Variants in FAM200B observed in about 807,000 individuals in gnomAD.
FAM200B encodes the protein protein FAM200B.
FAM200B carries 32 observed loss-of-function variants against 33.1 expected under a neutral mutation model. The observed-to-expected ratio is 0.97, with a 90% CI of 0.73 to 1.30. The LOEUF is 1.30. Ranked by LOEUF, FAM200B falls within the 50% of genes most tolerant of loss-of-function variation. FAM200B has a pLI of 0.00. For missense variants in FAM200B, 741 were observed against 754.0 expected (o/e 0.98, Z 0.20); for synonymous variants, 240 against 264.8 (o/e 0.91, Z 0.91).
At chr4:15,657,954 A>G in the FAM200B span, among the ~76,000 whole-genome samples, 4 of 152,372 alleles carry the variant, frequency 2.6e-5, no homozygotes, top group Admixed American at 2.6e-4. Flanking sequence ...AAGTCTGAAT[A>G]AGGCATGTGA....
chr4:15,665,494 T>G, the FAM200B span, among the ~76,000 whole-genome samples: 1 of 152,146 alleles, frequency 6.6e-6, no homozygotes, highest in South Asian at 2.1e-4. Flanking sequence ...GGGACTACCT[T>G]ACAAATTTGC....
At chr4:15,658,824 T>C in the FAM200B span, among the ~76,000 whole-genome samples, 2 of 152,236 alleles carry the variant, frequency 1.3e-5, no homozygotes, top group African/African-American at 4.8e-5. Context: ...CTGGTAGAAG[T>C]GGCCCTTAAG....
the FAM200B span, chr4:15,638,754 C>A: frequency 9.2e-7 from 1 of 1,088,162 alleles, no homozygotes. Flanking sequence ...TTACTCTAAA[C>A]CCTTTTAAAT....
At chr4:15,655,459 G>A in the FAM200B span, 3 of 903,062 alleles carry the variant, frequency 3.3e-6, no homozygotes, top group Non-Finnish European at 4.0e-6. Context: ...GCCGCCATGC[G>A]ATCCCTGCGG....
chr4:15,642,289 G>A, the FAM200B span, among the ~76,000 whole-genome samples: 2 of 150,832 alleles, frequency 1.3e-5, no homozygotes, highest in Non-Finnish European at 2.9e-5. Flanking sequence ...TGCCCAGGCT[G>A]GAATGCAGTG....
In FAM200B at chr4:15,688,912, C is replaced by G. The variant is rs559945354; in HGVS notation, c.1935C>G (p.Asp645Glu). 1 of 1,534,610 alleles carries G rather than the reference C, an allele frequency of 6.5e-7. No homozygotes were observed. Among genetic ancestry groups the G allele is most frequent in the Admixed American group, 2.0e-5 (1 of 48,990 alleles). ...MRVALSSCVP[D>E]WNELMNRQAH... Reference sequence around the variant, plus strand: ...TAGCATTATCTTCCTGTGTTCCAGACTGGAATGAACTTATGAACAGGCAAG... The same window carrying G: ...TAGCATTATCTTCCTGTGTTCCAGAGTGGAATGAACTTATGAACAGGCAAG... Residue 645 changes from aspartate to glutamate, a missense_variant, in exon 2 of 2, where the codon GAC becomes GAG. Transcript: ENST00000422728.
chr4:15,689,541 T>A lies in FAM200B; in HGVS notation c.*590T>A, dbSNP rs902453479. The A allele has an allele frequency of 8.4e-5, 14 of 166,894 alleles. No individual in the cohort carries two copies. The highest frequency in any genetic ancestry group is 3.9e-4 in the Admixed American group (6 of 15,288). 10.3% of individuals were successfully genotyped at this position (166,894 alleles called of 1,614,324 possible). The stretch of plus-strand genomic sequence containing the variant: ...GTAATCCCCGCACTTTGGCAGGCCA[T>A]GGCAGAAGGCTCTGTTGAGCCCAGG... On this transcript the variant is annotated 3_prime_UTR_variant, in exon 2 of 2. Transcript: ENST00000422728.
At chr4:15,675,706 C>T in the FAM200B span, among the ~76,000 whole-genome samples, 1 of 151,212 alleles carries the variant, frequency 6.6e-6, no homozygotes, top group African/African-American at 2.4e-5. Context: ...CTCAGCCTCC[C>T]AAGTAGCTGG....
At chr4:15,661,319 G>A in the FAM200B span, among the ~76,000 whole-genome samples, 1 of 152,190 alleles carries the variant, frequency 6.6e-6, no homozygotes, top group East Asian at 1.9e-4. Context: ...GGGTTGGAGT[G>A]TGGAACCAGT....
At chr4:15,648,652 G>A in the FAM200B span, among the ~76,000 whole-genome samples, 10 of 152,138 alleles carry the variant, frequency 6.6e-5, no homozygotes, top group Non-Finnish European at 1.5e-4. Context: ...CACTATATAT[G>A]GAATCTAAAG....
chr4:15,660,482 A>G, the FAM200B span, among the ~76,000 whole-genome samples: 3 of 152,206 alleles, frequency 2.0e-5, no homozygotes, highest in Non-Finnish European at 4.4e-5. Context: ...CTAGAAATAG[A>G]GATGTCATGT....
the FAM200B span, among the ~76,000 whole-genome samples, chr4:15,664,912 A>C: frequency 6.6e-6 from 1 of 152,074 alleles, no homozygotes; most frequent in Non-Finnish European, 1.5e-5. Flanking sequence ...CTACAGGTAC[A>C]AATGTCACAA....
chr4:15,666,357 G>A, the FAM200B span, among the ~76,000 whole-genome samples: 459 of 152,140 alleles, frequency 3.0e-3, 5 homozygotes, highest in African/African-American at 0.01. Context: ...CCATGATGGC[G>A]CCACTGCACT....
upstream of FAM200B, among the ~76,000 whole-genome samples, chr4:15,678,546 A>G (rs1335570036): frequency 6.6e-6 from 1 of 152,252 alleles, no homozygotes; most frequent in Non-Finnish European, 1.5e-5. Flanking sequence ...ATATACATTT[A>G]CATAGTCTCA....
chr4:15,653,429 T>C, the FAM200B span, among the ~76,000 whole-genome samples: 1 of 152,198 alleles, frequency 6.6e-6, no homozygotes, highest in South Asian at 2.1e-4. Context: ...TGCTTAGCCT[T>C]AGTCTGCAAG....
the FAM200B span, among the ~76,000 whole-genome samples, chr4:15,652,728 T>C: frequency 6.6e-6 from 1 of 152,184 alleles, no homozygotes; most frequent in African/African-American, 2.4e-5. Flanking sequence ...GCTTCTAAAA[T>C]ACATTCTACT....
chr4:15,639,374 A>T, the FAM200B span, among the ~76,000 whole-genome samples: 1 of 152,230 alleles, frequency 6.6e-6, no homozygotes, highest in African/African-American at 2.4e-5. Context: ...TCTGCCTCAC[A>T]TGAGAGTAGT....
chr4:15,686,933 G>A lies in FAM200B; in HGVS notation c.-45G>A. The A allele has an allele frequency of 2.0e-6, 2 of 1,010,230 alleles. No homozygotes were observed. The highest frequency in any genetic ancestry group is 1.4e-6 in the Non-Finnish European group (1 of 728,498). 62.6% of individuals were successfully genotyped at this position (1,010,230 alleles called of 1,614,324 possible). On this transcript the variant is annotated 5_prime_UTR_variant, in exon 2 of 2. Transcript: ENST00000422728. ...TTTTTTTCTTCTTTTTTGAGTTAGT[G>A]CCAATTATAACATTTTAATCAAACT... is the stretch of plus-strand genomic sequence containing the variant.
rs1376381235 is a variant in FAM200B, at chr4:15,686,974, T to TA, written c.1dup. On this transcript the variant is annotated 5_prime_UTR_variant, in exon 2 of 2. Coordinates refer to ENST00000422728, the MANE Select transcript of FAM200B (RefSeq NM_001145191.2). Reference sequence around the variant, plus strand: ...TAATCAAACTGGAACAAATTGCTATTAAAATGGATCATTTCTTTATTAAAA... The same window carrying TA: ...TAATCAAACTGGAACAAATTGCTATTAAAAATGGATCATTTCTTTATTAAAA... 4 of 1,347,810 alleles carry TA rather than the reference T, an allele frequency of 3.0e-6. No homozygotes were observed. The African/African-American group carries it at 4.5e-5, about 15-fold the overall frequency. The allele number at this position is 1,347,810 out of a possible 1,614,324, so 83.5% of individuals were successfully genotyped here. A position where few individuals can be genotyped will look rare whatever the true frequency, so the allele number is the denominator to read the frequency against.
Sources: allele counts gnomAD v4.1 joint callset (sites outside exome capture counted in the v4.1 genomes callset), GRCh38; gene constraint gnomAD v4.1.1; transcripts MANE v1.5; gene names NCBI Gene and HGNC (gene_info 2026-07-23, HGNC 2026-07-21).